Variants in WARS1 observed in about 807,000 individuals in gnomAD.
WARS1 encodes tryptophanyl-tRNA synthetase 1.
In WARS1, 17 loss-of-function variants were observed where a neutral mutation model predicts 47.8. That is an observed-to-expected ratio of 0.36 (90% CI 0.24 to 0.53). WARS1 has a LOEUF of 0.53. WARS1 is among the 20% of genes least tolerant of loss of function. WARS1 has a pLI of 0.91. For missense variants in WARS1, 434 were observed against 608.0 expected, an observed-to-expected ratio of 0.71 and a Z score of 3.01; for synonymous variants, 208 against 228.1, an observed-to-expected ratio of 0.91 and a Z score of 0.79.
At chr14:100,345,081 C>T (rs867795714) in intron 7 of WARS1, among the ~76,000 whole-genome samples, 7,776 of 147,998 alleles carry the variant, frequency 0.053, 128 homozygotes, top group African/African-American at 0.11. Flanking sequence ...CCAGCCGCCC[C>T]GTCCGGGAGG....
intron 3 of WARS1, among the ~76,000 whole-genome samples, chr14:100,360,997 GTA>G (rs150819452): frequency 0.012 from 1,776 of 150,192 alleles, 40 homozygotes; most frequent in African/African-American, 0.04. Context: ...ATATAAATAG[GTA>G]TATATATATA....
At position 100,369,096 on chromosome 14, in the gene WARS1, AT is replaced by A; in HGVS notation, c.89del (p.Asn30MetfsTer11). ...CAGCAAAATCATGTACCTTTGACGC[AT>A]TTCCCGCTTTGAGGGACCTTACGAG... Reference protein sequence around the residue: ...GELVRSLKAGNASKDEIDSAV... With the variant: ...GELVRSLKAGXASKDEIDSAV... On this transcript the variant is annotated frameshift_variant, in exon 2 of 11. Coordinates refer to ENST00000392882, the MANE Select transcript of WARS1 (RefSeq NM_004184.4). LOFTEE classifies it high-confidence loss of function. 1 of 1,553,464 alleles carries A rather than the reference AT, an allele frequency of 6.4e-7. No homozygotes were observed. Among genetic ancestry groups the A allele is most frequent in the Non-Finnish European group, 8.8e-7 (1 of 1,139,422 alleles).
chr14:100,348,577 C>T (rs1026473173), intron 6 of WARS1, among the ~76,000 whole-genome samples: 1 of 152,202 alleles, frequency 6.6e-6, no homozygotes, highest in Non-Finnish European at 1.5e-5. Context: ...TGGAAAGATG[C>T]GGCCTTTGTC....
intron 8 of WARS1, 110 bp downstream of exon 8, chr14:100,343,165 C>T (rs971222056): frequency 2.2e-6 from 2 of 913,216 alleles, no homozygotes; most frequent in African/African-American, 1.7e-5. Context: ...GCGTGAGCCA[C>T]CCTGCCTGGC....
At chr14:100,364,090 C>A (rs1371866610) in intron 2 of WARS1, among the ~76,000 whole-genome samples, 1 of 152,166 alleles carries the variant, frequency 6.6e-6, no homozygotes, top group Non-Finnish European at 1.5e-5. Flanking sequence ...GCTGGTTACA[C>A]AGGTGTGGTC....
At chr14:100,357,226 C>T (rs951346807) in intron 4 of WARS1, among the ~76,000 whole-genome samples, 1 of 151,920 alleles carries the variant, frequency 6.6e-6, no homozygotes, top group Non-Finnish European at 1.5e-5. Context: ...AGGAATAAGA[C>T]AAGGATGCTC....
intron 4 of WARS1, among the ~76,000 whole-genome samples, chr14:100,359,313 T>C (rs1895518503): frequency 1.3e-5 from 2 of 152,204 alleles, no homozygotes; most frequent in African/African-American, 4.8e-5. Context: ...GGTATATCCA[T>C]TCAATGGAAT....
At chr14:100,352,539 G>A (rs909514569) in intron 6 of WARS1, among the ~76,000 whole-genome samples, 1 of 152,214 alleles carries the variant, frequency 6.6e-6, no homozygotes, top group Non-Finnish European at 1.5e-5. Context: ...GCCTCGGCAT[G>A]GTCCCTGATG....
intron 7 of WARS1, 87 bp from the exon 8 acceptor site, chr14:100,343,474 C>A: frequency 2.2e-6 from 2 of 929,756 alleles, no homozygotes; most frequent in Non-Finnish European, 1.6e-6. Flanking sequence ...CAGGTTTTCT[C>A]CCATTATAAA....
intron 2 of WARS1, chr14:100,366,710 T>C: frequency 3.7e-6 from 3 of 802,036 alleles, no homozygotes; most frequent in African/African-American, 1.7e-5. Context: ...AGGGACACCA[T>C]TAGAAACTAT....
chr14:100,366,909 A>G (rs1334252052), intron 2 of WARS1: 35 of 1,609,444 alleles, frequency 2.2e-5, no homozygotes, highest in Non-Finnish European at 2.8e-5. Context: ...AATAAAGATA[A>G]GAAGCATCAC....
rs563744189 is a variant in WARS1, at chr14:100,364,232, T to C, written c.100-2311A>G. ...GAAGAAAAAGGCTCTGCTCTCTTTC[T>C]TAATACCTAAGACCTAGCATTGCTT... On this transcript the variant is annotated intron_variant, in intron 2 of 10. Transcript: ENST00000392882. Among the ~76,000 whole-genome samples, 27 of 152,344 alleles carry C rather than the reference T, an allele frequency of 1.8e-4. 1 individual carries two copies. In the South Asian group the frequency reaches 5.4e-3, roughly 30 times the overall value.
intron 4 of WARS1, among the ~76,000 whole-genome samples, chr14:100,356,973 ATTTG>A (rs1207517412): frequency 1.3e-5 from 2 of 152,352 alleles, no homozygotes; most frequent in African/African-American, 4.8e-5. Context: ...ATTAAGTGGA[ATTTG>A]TTCCAGGAAC....
intron 4 of WARS1, among the ~76,000 whole-genome samples, chr14:100,359,764 C>T (rs1035164983): frequency 1.3e-5 from 2 of 152,114 alleles, no homozygotes; most frequent in Non-Finnish European, 2.9e-5. Flanking sequence ...CTTAACTGTA[C>T]ATTTAAAAAA....
At chr14:100,364,297 G>A (rs546839325) in intron 2 of WARS1, among the ~76,000 whole-genome samples, 12 of 152,280 alleles carry the variant, frequency 7.9e-5, no homozygotes, top group Admixed American at 2.0e-4. Context: ...ACAGCCCTCA[G>A]ATGCTGACTT....
chr14:100,356,398 T>TGTG (rs1555381579), intron 4 of WARS1, among the ~76,000 whole-genome samples: 1 of 106,276 alleles, frequency 9.4e-6, no homozygotes, highest in Non-Finnish European at 2.0e-5. Flanking sequence ...TGTGTGTGTG[T>TGTG]GGGGGGGGGT....
rs763195088 is a variant in WARS1 at position 100,335,026 on chromosome 14, C to T, written c.1265G>A (p.Ser422Asn). The T allele has an allele frequency of 6.2e-7, 1 of 1,613,938 alleles. No individual in the cohort carries two copies. Among genetic ancestry groups the T allele is most frequent in the East Asian group, 2.2e-5 (1 of 44,864 alleles). ...GAGCTCACCGGTGAGCATGGCTCCG[C>T]TGGTGTAATCCTGCCCGGAGGGAGA... ...KLEQIRKDYTSGAMLTGELKK... is the reference protein window; with the variant it reads ...KLEQIRKDYTNGAMLTGELKK... Residue 422 changes from serine to asparagine, a missense_variant, in exon 11 of 11, where the codon AGC (serine) becomes AAC (asparagine). Around this residue, in one of 2 missense-constraint regions of WARS1, gnomAD observed 347 missense variants for 523.8 expected, o/e 0.66. Transcript: ENST00000392882.
intron 7 of WARS1, among the ~76,000 whole-genome samples, chr14:100,344,988 G>A (rs1311843608): frequency 6.7e-6 from 1 of 149,834 alleles, no homozygotes; most frequent in Admixed American, 6.7e-5. Context: ...CGCCCCGTCC[G>A]GGAGGGAAGT....
intron 6 of WARS1, among the ~76,000 whole-genome samples, chr14:100,350,565 T>C (rs578065150): frequency 6.6e-6 from 1 of 152,232 alleles, no homozygotes; most frequent in African/African-American, 2.4e-5. Context: ...ACATGGACTG[T>C]TCAAAAGTTC....
Sources: gnomAD v4.1 joint callset for allele counts (sites outside exome capture counted in the v4.1 genomes callset) on GRCh38, gnomAD v4.1.1 for gene constraint, gnomAD v4.1.1 regional missense constraint, MANE v1.5 for transcripts, NCBI Gene and HGNC (gene_info 2026-07-23, HGNC 2026-07-21) for gene names.